The following EPB41 variants were observed in gnomAD, a reference collection of about 807,000 sequenced individuals.
EPB41 encodes the protein protein 4.1.
EPB41 carries 65 observed loss-of-function variants against 108.0 expected under a neutral mutation model. The ratio of observed to expected loss-of-function variants is 0.60; its 90% confidence interval spans 0.49 to 0.74. EPB41 has a LOEUF of 0.74. EPB41 is among the 30% of genes least tolerant of loss of function. The probability of loss-of-function intolerance (pLI) is 0.00; values close to 1 mark genes in which losing one functional copy is unlikely to be tolerated. For synonymous variants in EPB41, 336 were observed against 358.9 expected (o/e 0.94, Z 0.72); for missense variants, 875 against 1,037.0 (o/e 0.84, Z 2.15).
intron 15 of EPB41, among the ~76,000 whole-genome samples, chr1:29,063,499 C>A (rs1043025853): frequency 4.6e-5 from 7 of 152,158 alleles, no homozygotes; most frequent in African/African-American, 1.4e-4. Context: ...ACTGATTATT[C>A]TTCTTATGCT....
At chr1:28,948,076 A>G (rs1398842267) in intron 1 of EPB41, among the ~76,000 whole-genome samples, 1 of 152,140 alleles carries the variant, frequency 6.6e-6, no homozygotes. Context: ...TTTATACTGT[A>G]GAAGTTATAT....
chr1:29,063,725 G>A (rs1201093407), intron 15 of EPB41, among the ~76,000 whole-genome samples: 4 of 152,168 alleles, frequency 2.6e-5, no homozygotes, highest in Middle Eastern at 3.2e-3. Context: ...TGGATACAAA[G>A]CTGCCTTGAT....
intron 1 of EPB41, among the ~76,000 whole-genome samples, chr1:28,927,868 A>C (rs2093537493): frequency 6.6e-6 from 1 of 152,154 alleles, no homozygotes; most frequent in African/African-American, 2.4e-5. Flanking sequence ...GTCCCACAGA[A>C]CTGGCTTTAG....
intron 2 of EPB41, among the ~76,000 whole-genome samples, chr1:28,990,834 C>G: frequency 1.3e-5 from 2 of 152,200 alleles, no homozygotes; most frequent in Middle Eastern, 6.8e-3. Context: ...TTCATAGATT[C>G]GTACTCAAGT....
intron 6 of EPB41, among the ~76,000 whole-genome samples, chr1:29,017,468 G>A (rs756153954): frequency 2.0e-5 from 3 of 152,174 alleles, no homozygotes; most frequent in Non-Finnish European, 4.4e-5. Context: ...AAGTGTCAGC[G>A]TGGTAAGGCA....
rs563530801 is a variant in EPB41, at chr1:28,935,193, G to T, written c.-8+20425G>T. On this transcript the variant is annotated intron_variant, in intron 1 of 20. Coordinates refer to ENST00000343067, the MANE Select transcript of EPB41 (RefSeq NM_001376013.1). The stretch of plus-strand genomic sequence containing the variant: ...CACCTGTAATCCAAGCACTTTGGGA[G>T]GATGAGGCAGGCTGATCACCTGAGC... Among the ~76,000 whole-genome samples the T allele has an allele frequency of 3.3e-5, 5 of 152,090 alleles. No individual in the cohort carries two copies. In the South Asian group the frequency reaches 1.0e-3, roughly 32 times the overall value.
chr1:29,094,337 C>T (rs1003325439), intron 16 of EPB41, among the ~76,000 whole-genome samples: 2 of 151,978 alleles, frequency 1.3e-5, no homozygotes, highest in East Asian at 3.9e-4. Context: ...AGTGCAGTGG[C>T]TTGATCTCAG....
At chr1:29,034,728 A>G (rs555528872) in intron 9 of EPB41, among the ~76,000 whole-genome samples, 19 of 152,308 alleles carry the variant, frequency 1.2e-4, no homozygotes, top group African/African-American at 4.3e-4. Context: ...TTAATGATCA[A>G]TCAAAGGAAA....
intron 5 of EPB41, among the ~76,000 whole-genome samples, chr1:29,013,519 TTTTG>T (rs905027040): frequency 6.6e-6 from 1 of 152,012 alleles, no homozygotes; most frequent in Non-Finnish European, 1.5e-5. Flanking sequence ...TTTTTTGTGT[TTTTG>T]TTTGTTTATT....
intron 15 of EPB41, among the ~76,000 whole-genome samples, chr1:29,064,093 T>A (rs567706039): frequency 2.6e-5 from 4 of 152,040 alleles, no homozygotes; most frequent in Admixed American, 6.5e-5. Context: ...AAAAAAAAAA[T>A]TTAATCTGCT....
chr1:28,929,844 T>C (rs2093647761), intron 1 of EPB41, among the ~76,000 whole-genome samples: 3 of 49,376 alleles, frequency 6.1e-5, no homozygotes, highest in Admixed American at 2.4e-4. Flanking sequence ...CTGGGCCTTC[T>C]TTTTTTTTTT....
At chr1:28,927,109 G>T (rs2148435140) in intron 1 of EPB41, among the ~76,000 whole-genome samples, 1 of 152,326 alleles carries the variant, frequency 6.6e-6, no homozygotes, top group Non-Finnish European at 1.5e-5. Flanking sequence ...GAAGGGGTTT[G>T]AGTTGGGAGG....
chr1:28,998,946 T>G (rs2096242317), intron 4 of EPB41, among the ~76,000 whole-genome samples: 1 of 152,236 alleles, frequency 6.6e-6, no homozygotes, highest in South Asian at 2.1e-4. Flanking sequence ...CAATGAATAA[T>G]TTGAAAAAGT....
Position 28,919,657 on chromosome 1 carries a change from G to A in EPB41, c.-8+4889G>A, listed in dbSNP as rs148666007. 2.9e-3 allele frequency among the ~76,000 whole-genome samples: 440 copies of A among 152,162 alleles called. 3 individuals carry two copies. The highest frequency in any genetic ancestry group is 0.01 in the African/African-American group (422 of 41,532). On this transcript the variant is annotated intron_variant, in intron 1 of 20. Coordinates refer to ENST00000343067, the MANE Select transcript of EPB41 (RefSeq NM_001376013.1). The stretch of plus-strand genomic sequence containing the variant: ...TTTGGTAGAAACGGGGTTTCACCAT[G>A]TTGGCCAGGCTGGTCTTGAACTCCT...
chr1:29,053,433 A>G (rs1573181713), intron 12 of EPB41, 121 bp downstream of exon 12: 1 of 1,065,088 alleles, frequency 9.4e-7, no homozygotes, highest in Non-Finnish European at 1.4e-6. Flanking sequence ...GTTATTCTTC[A>G]TTCTTTCTAA....
intron 1 of EPB41, among the ~76,000 whole-genome samples, chr1:28,949,611 T>A (rs960042524): frequency 3.3e-5 from 5 of 151,664 alleles, no homozygotes; most frequent in Non-Finnish European, 7.4e-5. Context: ...TATTTATTTT[T>A]ATTTTTTTTT....
At chr1:28,968,396 C>T (rs1010186706) in intron 1 of EPB41, among the ~76,000 whole-genome samples, 6 of 152,074 alleles carry the variant, frequency 3.9e-5, no homozygotes, top group African/African-American at 1.4e-4. Context: ...TGTTTTTGTA[C>T]ATATGTCCTT....
intron 1 of EPB41, among the ~76,000 whole-genome samples, chr1:28,889,583 G>A (rs2089872617): frequency 6.6e-6 from 1 of 152,246 alleles, no homozygotes; most frequent in Non-Finnish European, 1.5e-5. Context: ...TGGCCGTGCT[G>A]GGCAGGAACA....
At chr1:28,893,794 G>C (rs1159837747) in intron 1 of EPB41, 1 of 152,456 alleles carries the variant, frequency 6.6e-6, no homozygotes, top group Non-Finnish European at 1.5e-5. Context: ...ATGGCTCCAT[G>C]GCCTCTCCTG....
Sources: gnomAD v4.1 joint callset for allele counts (sites outside exome capture counted in the v4.1 genomes callset) on GRCh38, gnomAD v4.1.1 for gene constraint, MANE v1.5 for transcripts, NCBI Gene and HGNC (gene_info 2026-07-23, HGNC 2026-07-21) for gene names.